The following CSMD1 variants were observed in gnomAD, a reference collection of about 807,000 sequenced individuals.
CSMD1 encodes the protein CUB and sushi domain-containing protein 1.
In CSMD1, 213 loss-of-function variants were observed where a neutral mutation model predicts 417.5. The ratio of observed to expected loss-of-function variants is 0.51; its 90% confidence interval spans 0.46 to 0.57. The LOEUF is 0.57. CSMD1 is among the 20% of genes least tolerant of loss of function. The pLI is 0.00. For missense variants in CSMD1, 6,923 were observed against 4,529.7 expected (o/e 1.53, Z -15.17); for synonymous variants, 2,862 against 1,736.8 (o/e 1.65, Z -16.11).
chr8:4,680,949 G>GTGTGTGTGTGT (rs1806001255), intron 1 of CSMD1, among the ~76,000 whole-genome samples: 1 of 108,770 alleles, frequency 9.2e-6, no homozygotes, highest in African/African-American at 4.0e-5. Context: ...TATCTATATT[G>GTGTGTGTGTGT]ATGTGTGTGT....
intron 26 of CSMD1, among the ~76,000 whole-genome samples, chr8:3,283,195 T>A (rs1282382021): frequency 6.6e-6 from 1 of 152,010 alleles, no homozygotes; most frequent in Non-Finnish European, 1.5e-5. Flanking sequence ...GGAAAAAAAA[T>A]TCACGGACCG....
chr8:3,280,180 G>T (rs186397236), intron 26 of CSMD1, among the ~76,000 whole-genome samples: 117 of 150,376 alleles, frequency 7.8e-4, no homozygotes, highest in African/African-American at 2.5e-3. Flanking sequence ...ATACAGGTTT[G>T]CCTCGAGAGC....
At chr8:3,977,865 T>C (rs1483259459) in intron 5 of CSMD1, among the ~76,000 whole-genome samples, 1 of 152,236 alleles carries the variant, frequency 6.6e-6, no homozygotes, top group Admixed American at 6.5e-5. Context: ...GAAAATAGGC[T>C]GAGAATAAAT....
intron 1 of CSMD1, among the ~76,000 whole-genome samples, chr8:4,980,926 A>C (rs1226850813): frequency 1.3e-5 from 2 of 152,048 alleles, no homozygotes; most frequent in African/African-American, 4.8e-5. Context: ...CTTATTATCT[A>C]TCTGTACTTT....
intron 5 of CSMD1, among the ~76,000 whole-genome samples, chr8:3,851,407 T>G (rs1397828557): frequency 6.6e-6 from 1 of 152,216 alleles, no homozygotes; most frequent in Non-Finnish European, 1.5e-5. Context: ...TGGACATATG[T>G]AGCACTACCA....
chr8:4,342,919 A>C (rs966987354), intron 3 of CSMD1, among the ~76,000 whole-genome samples: 1 of 152,106 alleles, frequency 6.6e-6, no homozygotes, highest in African/African-American at 2.4e-5. Flanking sequence ...GAGAATTCCA[A>C]GATATGCTGC....
chr8:4,892,082 G>A (rs1466727022), intron 1 of CSMD1, among the ~76,000 whole-genome samples: 2 of 152,076 alleles, frequency 1.3e-5, no homozygotes, highest in Non-Finnish European at 2.9e-5. Flanking sequence ...GAGGTAGGAA[G>A]AAATAGAACT....
intron 3 of CSMD1, among the ~76,000 whole-genome samples, chr8:4,107,460 A>G (rs1245890365): frequency 6.6e-6 from 1 of 152,244 alleles, no homozygotes; most frequent in African/African-American, 2.4e-5. Flanking sequence ...AAAGCACTGG[A>G]TAATGATTAC....
chr8:4,158,131 C>T (rs1406046686), intron 3 of CSMD1, among the ~76,000 whole-genome samples: 2 of 151,504 alleles, frequency 1.3e-5, no homozygotes, highest in East Asian at 1.9e-4. Flanking sequence ...CCCTGCAGTC[C>T]CTGAGGTCAG....
intron 3 of CSMD1, among the ~76,000 whole-genome samples, chr8:4,305,850 G>T (rs543939935): frequency 6.6e-6 from 1 of 152,174 alleles, no homozygotes; most frequent in East Asian, 1.9e-4. Context: ...ATCTTGTATG[G>T]ATCCCCTTCC....
intron 3 of CSMD1, among the ~76,000 whole-genome samples, chr8:4,168,994 A>G (rs1797614746): frequency 6.6e-6 from 1 of 151,862 alleles, no homozygotes; most frequent in South Asian, 2.1e-4. Flanking sequence ...TTTTCCTACT[A>G]TCTTATCAGC....
intron 3 of CSMD1, among the ~76,000 whole-genome samples, chr8:4,169,752 T>C (rs1019908624): frequency 6.6e-6 from 1 of 152,120 alleles, no homozygotes; most frequent in East Asian, 1.9e-4. Context: ...AACGCCCCCT[T>C]GAGGACTATT....
At chr8:3,982,196 TAA>T (rs67468358) in intron 5 of CSMD1, among the ~76,000 whole-genome samples, 5 of 144,530 alleles carry the variant, frequency 3.5e-5, no homozygotes, top group Non-Finnish European at 6.0e-5. Context: ...ATAATATTAA[TAA>T]AAAAAATAAT....
At chr8:4,504,004 G>A (rs144569002) in intron 2 of CSMD1, among the ~76,000 whole-genome samples, 1 of 151,742 alleles carries the variant, frequency 6.6e-6, no homozygotes, top group Admixed American at 6.6e-5. Flanking sequence ...AGGAAATCAG[G>A]ATGTCAAAGA....
At chr8:4,852,134 A>T (rs1801517555) in intron 1 of CSMD1, among the ~76,000 whole-genome samples, 1 of 152,170 alleles carries the variant, frequency 6.6e-6, no homozygotes, top group Admixed American at 6.5e-5. Context: ...AACTGGGAAC[A>T]CCATATATGT....
intron 6 of CSMD1, among the ~76,000 whole-genome samples, chr8:3,711,884 C>T (rs73185359): frequency 0.33 from 50,138 of 152,030 alleles, 8,433 homozygotes; most frequent in East Asian, 0.49. Flanking sequence ...ATGTCACTCA[C>T]CCTAAACAGA....
intron 2 of CSMD1, among the ~76,000 whole-genome samples, chr8:4,490,039 ATTTTTTTTT>A (rs67307681): frequency 3.0e-5 from 4 of 131,278 alleles, no homozygotes; most frequent in African/African-American, 1.2e-4. Context: ...TCAGGTACCA[ATTTTTTTTT>A]TTTTTTTTTT....
intron 3 of CSMD1, among the ~76,000 whole-genome samples, chr8:4,264,035 C>G (rs1413620086): frequency 6.6e-6 from 1 of 152,100 alleles, no homozygotes; most frequent in Non-Finnish European, 1.5e-5. Flanking sequence ...GCTCCATGAA[C>G]TTGGGCAAGT....
At chr8:4,522,072 A>C (rs1011992639) in intron 2 of CSMD1, among the ~76,000 whole-genome samples, 1 of 152,160 alleles carries the variant, frequency 6.6e-6, no homozygotes, top group Non-Finnish European at 1.5e-5. Context: ...AATCTCATCT[A>C]GAATTGTAGC....
Sources: gnomAD v4.1 joint callset for allele counts (sites outside exome capture counted in the v4.1 genomes callset) on GRCh38, gnomAD v4.1.1 for gene constraint, MANE v1.5 for transcripts, NCBI Gene and HGNC (gene_info 2026-07-23, HGNC 2026-07-21) for gene names.